Variants in RBFOX2 observed in about 807,000 individuals in gnomAD.
RBFOX2 encodes the protein RNA binding fox-1 homolog 2.
In RBFOX2, 10 loss-of-function variants were observed where a neutral mutation model predicts 49.1. The observed-to-expected ratio is 0.20, with a 90% CI of 0.13 to 0.35. The LOEUF is 0.35. Ranked by LOEUF, RBFOX2 falls within the 10% of genes least tolerant of loss-of-function variation. RBFOX2 has a pLI of 1.00. For synonymous variants in RBFOX2, 183 were observed against 187.4 expected (o/e 0.98, Z 0.19); for missense variants, 323 against 486.9 (o/e 0.66, Z 3.17).
intron 1 of RBFOX2, chr22:35,993,028 T>C (rs982698122): frequency 2.6e-5 from 4 of 152,302 alleles, no homozygotes; most frequent in South Asian, 2.1e-4. Flanking sequence ...CATAATACAA[T>C]ACTGGTTTTA....
chr22:35,796,602 C>G (rs1016614378), intron 2 of RBFOX2, among the ~76,000 whole-genome samples: 1 of 152,152 alleles, frequency 6.6e-6, no homozygotes, highest in Non-Finnish European at 1.5e-5. Context: ...ACTGCAATGT[C>G]GAATCTGAAA....
Position 35,759,576 on chromosome 22 carries a change from C to T in RBFOX2, c.887+312G>A, listed in dbSNP as rs575475948. The stretch of plus-strand genomic sequence containing the variant: ...CTCTGCAGTAATGTTAATCCATATT[C>T]GTGCGCTTCTGAGTGAACTTCATGC... On this transcript the variant is annotated intron_variant, in intron 9 of 11. Transcript: ENST00000405409. This position sits in a 1 kb window ranked among gnomAD's most constrained non-coding sequence, Gnocchi z 4.6. 2.0e-5 allele frequency among the ~76,000 whole-genome samples: 3 copies of T among 152,274 alleles called. No homozygotes were observed. Among genetic ancestry groups the T allele is most frequent in the Non-Finnish European group, 2.9e-5 (2 of 68,026 alleles).
exon 12 of RBFOX2, chr22:35,741,931 G>A (rs1252939079): frequency 1.3e-5 from 2 of 152,370 alleles, no homozygotes; most frequent in African/African-American, 4.8e-5. Flanking sequence ...CTGAATACGT[G>A]GCTTGCCATC....
intron 1 of RBFOX2, among the ~76,000 whole-genome samples, chr22:36,002,540 A>G (rs969439767): frequency 1.3e-5 from 2 of 152,256 alleles, no homozygotes; most frequent in African/African-American, 4.8e-5. Context: ...ATATATCTAT[A>G]AACATTTATG....
At chr22:35,909,529 T>C (rs2049526930) in intron 1 of RBFOX2, among the ~76,000 whole-genome samples, 1 of 152,222 alleles carries the variant, frequency 6.6e-6, no homozygotes, top group Admixed American at 6.5e-5. Context: ...AGCAATATTT[T>C]TCTTCATTCA....
intron 4 of RBFOX2, among the ~76,000 whole-genome samples, chr22:35,777,075 A>T (rs1174485386): frequency 6.6e-6 from 1 of 151,344 alleles, no homozygotes; most frequent in African/African-American, 2.4e-5. Flanking sequence ...GCAGTGGCGC[A>T]ATCTCGGCTC....
At chr22:35,810,346 C>T (rs891588799) in intron 1 of RBFOX2, among the ~76,000 whole-genome samples, 1 of 151,712 alleles carries the variant, frequency 6.6e-6, no homozygotes, top group African/African-American at 2.4e-5. Flanking sequence ...CTTTGGACCA[C>T]AAGCCACTAC....
intron 3 of RBFOX2, 110 bp downstream of exon 4, chr22:35,781,490 C>A (rs1050961486): frequency 8.0e-6 from 11 of 1,370,090 alleles, no homozygotes; most frequent in Non-Finnish European, 1.1e-5. Flanking sequence ...ACCTCAGGTT[C>A]TTTCAATCTA....
chr22:35,941,101 T>C (rs1217201525), upstream of RBFOX2, among the ~76,000 whole-genome samples: 1 of 152,186 alleles, frequency 6.6e-6, no homozygotes, highest in African/African-American at 2.4e-5. Context: ...TCTCATTAAA[T>C]CTGTTATTTA....
rs935400733 is a variant in RBFOX2, at chr22:35,878,043, C to CT, written c.-34+60803_-34+60804insA. Among the ~76,000 whole-genome samples, 9 of 105,828 alleles carry CT rather than the reference C, an allele frequency of 8.5e-5. No homozygotes were observed. In the South Asian group the frequency reaches 9.6e-4, roughly 11 times the overall value. 69.4% of individuals were successfully genotyped at this position (105,828 alleles called of 152,430 possible). A position where few individuals can be genotyped will look rare whatever the true frequency, so the allele number is the denominator to read the frequency against. On this transcript the variant is annotated intron_variant, in intron 1 of 13. Transcript: ENST00000359369. ...ACATACTACTACTACTACTACTACA[C>CT]ACACACACACACACACACACACACA... is the stretch of plus-strand genomic sequence containing the variant.
At chr22:35,807,041 T>C (rs1194020496) in intron 2 of RBFOX2, among the ~76,000 whole-genome samples, 1 of 152,204 alleles carries the variant, frequency 6.6e-6, no homozygotes, top group African/African-American at 2.4e-5. Flanking sequence ...TGACCTCAGA[T>C]GATCCAGCTG....
intron 1 of RBFOX2, among the ~76,000 whole-genome samples, chr22:35,905,034 A>C (rs528335359): frequency 6.6e-6 from 1 of 152,304 alleles, no homozygotes; most frequent in East Asian, 1.9e-4. Context: ...CCCTCTAGGT[A>C]TCCAGAATTC....
chr22:35,933,928 A>T (rs371054732), intron 1 of RBFOX2, among the ~76,000 whole-genome samples: 57 of 101,826 alleles, frequency 5.6e-4, no homozygotes, highest in South Asian at 1.7e-3. Context: ...ATTAAATGTT[A>T]TATATATATA....
chr22:35,851,812 C>T (rs2041974255), intron 1 of RBFOX2, among the ~76,000 whole-genome samples: 1 of 147,692 alleles, frequency 6.8e-6, no homozygotes, highest in Admixed American at 6.8e-5. Context: ...GCCTGGGCAA[C>T]AGAGCAAAAC....
intron 1 of RBFOX2, among the ~76,000 whole-genome samples, chr22:36,012,266 G>A (rs1170531921): frequency 1.3e-5 from 2 of 152,148 alleles, no homozygotes; most frequent in African/African-American, 2.4e-5. Context: ...TAAGGGCCAT[G>A]AAAAGGCACT....
intron 1 of RBFOX2, among the ~76,000 whole-genome samples, chr22:35,863,776 C>A (rs1406800837): frequency 6.6e-6 from 1 of 152,186 alleles, no homozygotes; most frequent in Non-Finnish European, 1.5e-5. Flanking sequence ...GCTCACGATG[C>A]AAGAATATTT....
rs58692076 is a variant in RBFOX2 at position 35,850,193 on chromosome 22, TACACAC to T, written c.-33-40195_-33-40190del. On this transcript the variant is annotated intron_variant, in intron 1 of 13. Coordinates refer to the RBFOX2 transcript ENST00000359369. ...ATGCGCATTCTCTGTCTCTCTCTCA[TACACAC>T]ACACACACACACACACACACACACA... Among the ~76,000 whole-genome samples the T allele has an allele frequency of 2.1e-3, 282 of 132,596 alleles. No homozygotes were observed. In the Middle Eastern group the frequency reaches 0.044, roughly 21 times the overall value. 87.0% of individuals were successfully genotyped at this position (132,596 alleles called of 152,430 possible). A position where few individuals can be genotyped will look rare whatever the true frequency, so the allele number is the denominator to read the frequency against.
chr22:35,861,202 T>C (rs2043054701), intron 1 of RBFOX2, among the ~76,000 whole-genome samples: 1 of 152,144 alleles, frequency 6.6e-6, no homozygotes, highest in Non-Finnish European at 1.5e-5. Flanking sequence ...ATGTAAAAGA[T>C]AAAACTGTAA....
chr22:35,926,755 TAG>T (rs1426014965), intron 1 of RBFOX2, among the ~76,000 whole-genome samples: 7 of 152,142 alleles, frequency 4.6e-5, no homozygotes, highest in Admixed American at 6.5e-5. Flanking sequence ...CTGAAGGATT[TAG>T]GAGGTGAGAG....
Sources: gnomAD v4.1 joint callset for allele counts (sites outside exome capture counted in the v4.1 genomes callset) on GRCh38, gnomAD v4.1.1 for gene constraint, Gnocchi (gnomAD v3.1) non-coding constraint, MANE v1.5 for transcripts, NCBI Gene and HGNC (gene_info 2026-07-23, HGNC 2026-07-21) for gene names.